TAFA2: variants seen among roughly 807,000 people sequenced by gnomAD.
The protein encoded by TAFA2 is TAFA chemokine like family member 2, also known as chemokine-like protein TAFA-2.
In TAFA2, 7 loss-of-function variants were observed where a neutral mutation model predicts 18.8. The observed-to-expected ratio is 0.37, with a 90% CI of 0.21 to 0.70. The LOEUF is 0.70. Ranked by LOEUF, TAFA2 falls within the 30% of genes least tolerant of loss-of-function variation. The pLI is 0.53. For synonymous variants in TAFA2, 60 were observed against 54.2 expected (o/e 1.11, Z -0.47); for missense variants, 122 against 158.1 (o/e 0.77, Z 1.23).
At chr12:62,126,636 T>C (rs1870471745) in intron 1 of TAFA2, among the ~76,000 whole-genome samples, 1 of 152,012 alleles carries the variant, frequency 6.6e-6, no homozygotes, top group Admixed American at 6.6e-5. Flanking sequence ...TGATATTCCA[T>C]GCTGAGAGAA....
intron 1 of TAFA2, among the ~76,000 whole-genome samples, chr12:62,168,896 T>C (rs1486200752): frequency 6.6e-6 from 1 of 151,734 alleles, no homozygotes; most frequent in African/African-American, 2.4e-5. Context: ...GGACCTCTTT[T>C]GGACCCTAAT....
At chr12:62,237,704 T>G (rs1368848329) in intron 1 of TAFA2, among the ~76,000 whole-genome samples, 3 of 152,268 alleles carry the variant, frequency 2.0e-5, no homozygotes, top group Non-Finnish European at 2.9e-5. Context: ...TCTTTGCAGT[T>G]GCCTGTAAGT....
intron 1 of TAFA2, among the ~76,000 whole-genome samples, chr12:62,251,597 C>T (rs2062914049): frequency 2.0e-5 from 3 of 152,168 alleles, no homozygotes; most frequent in Admixed American, 2.0e-4. Context: ...TCAGGATCAA[C>T]ACTTGTGGAA....
chr12:62,045,254 G>A (rs1396311611), intron 1 of TAFA2, among the ~76,000 whole-genome samples: 1 of 152,028 alleles, frequency 6.6e-6, no homozygotes, highest in Non-Finnish European at 1.5e-5. Context: ...CTTTTTTTAT[G>A]CTGATACCTT....
At chr12:61,959,166 A>G (rs2136651461) in intron 1 of TAFA2, among the ~76,000 whole-genome samples, 1 of 151,974 alleles carries the variant, frequency 6.6e-6, no homozygotes, top group South Asian at 2.1e-4. Flanking sequence ...GTTCTCATAC[A>G]TTTATTTTTC....
chr12:61,721,759 C>T (rs1869909885), intron 4 of TAFA2, among the ~76,000 whole-genome samples: 1 of 152,124 alleles, frequency 6.6e-6, no homozygotes, highest in Admixed American at 6.6e-5. Context: ...AGTTCGAGAC[C>T]AGCCTGACCA....
intron 2 of TAFA2, among the ~76,000 whole-genome samples, chr12:61,855,194 T>C (rs1873833148): frequency 6.6e-6 from 1 of 152,210 alleles, no homozygotes; most frequent in South Asian, 2.1e-4. Flanking sequence ...TATTTTCCCC[T>C]GAGATATTCT....
At chr12:61,817,954 C>T (rs1872154413) in intron 2 of TAFA2, among the ~76,000 whole-genome samples, 1 of 152,090 alleles carries the variant, frequency 6.6e-6, no homozygotes, top group South Asian at 2.1e-4. Flanking sequence ...TCACTCCTTG[C>T]TTCCATCATC....
chr12:62,115,478 T>C (rs1869923763), intron 1 of TAFA2, among the ~76,000 whole-genome samples: 1 of 152,216 alleles, frequency 6.6e-6, no homozygotes, highest in Admixed American at 6.5e-5. Flanking sequence ...ACATCATGTC[T>C]AAACTAAAAT....
At chr12:61,782,009 C>T (rs1280122652) in intron 2 of TAFA2, among the ~76,000 whole-genome samples, 1 of 151,374 alleles carries the variant, frequency 6.6e-6, no homozygotes, top group African/African-American at 2.4e-5. Flanking sequence ...TCAGAGTCTC[C>T]CTTAGAAAAC....
intron 1 of TAFA2, among the ~76,000 whole-genome samples, chr12:62,246,032 G>A (rs1383762496): frequency 1.3e-5 from 2 of 150,674 alleles, no homozygotes; most frequent in Non-Finnish European, 3.0e-5. Context: ...TGTCGCCCAG[G>A]CTGGAGTGCA....
chr12:62,236,052 T>C (rs997566424), intron 1 of TAFA2, among the ~76,000 whole-genome samples: 2 of 152,236 alleles, frequency 1.3e-5, no homozygotes, highest in African/African-American at 4.8e-5. Flanking sequence ...CCCCCACTCA[T>C]ACATTCTGAC....
chr12:62,241,620 T>C (rs1041477980), intron 1 of TAFA2, among the ~76,000 whole-genome samples: 2 of 152,230 alleles, frequency 1.3e-5, no homozygotes, highest in Admixed American at 1.3e-4. Flanking sequence ...TTTTCTGACA[T>C]AGGGACTTAC....
intron 1 of TAFA2, among the ~76,000 whole-genome samples, chr12:62,079,650 C>G (rs2136817745): frequency 6.7e-6 from 1 of 148,374 alleles, no homozygotes. Flanking sequence ...GGTGACAGAG[C>G]AAGACTCTGT....
chr12:61,726,842 C>T (rs1313936602), intron 4 of TAFA2, among the ~76,000 whole-genome samples: 1 of 152,006 alleles, frequency 6.6e-6, no homozygotes, highest in Non-Finnish European at 1.5e-5. Context: ...CCTCCCTGTT[C>T]AGTATAATGT....
intron 1 of TAFA2, among the ~76,000 whole-genome samples, chr12:62,010,513 CA>C (rs1340494004): frequency 6.6e-6 from 1 of 152,208 alleles, no homozygotes; most frequent in Admixed American, 6.5e-5. Flanking sequence ...CTGCAACCTG[CA>C]CCTTCCAGCC....
intron 1 of TAFA2, among the ~76,000 whole-genome samples, chr12:61,991,610 G>A (rs1272524548): frequency 2.0e-5 from 3 of 151,992 alleles, no homozygotes; most frequent in African/African-American, 7.3e-5. Flanking sequence ...TTTTCCATTA[G>A]CGTAAATACA....
At chr12:61,847,085 C>T (rs1284724099) in intron 2 of TAFA2, among the ~76,000 whole-genome samples, 1 of 152,118 alleles carries the variant, frequency 6.6e-6, no homozygotes, top group Non-Finnish European at 1.5e-5. Context: ...TTACTTTCAT[C>T]GACCCACTCA....
intron 2 of TAFA2, among the ~76,000 whole-genome samples, chr12:61,789,848 T>C (rs35622241): frequency 0.28 from 42,750 of 151,662 alleles, 6,727 homozygotes; most frequent in South Asian, 0.4. Flanking sequence ...AGAGGGAATA[T>C]TTCCAAACCC....
Sources: gnomAD v4.1 joint callset for allele counts (sites outside exome capture counted in the v4.1 genomes callset) on GRCh38, gnomAD v4.1.1 for gene constraint, MANE v1.5 for transcripts, NCBI Gene and HGNC (gene_info 2026-07-23, HGNC 2026-07-21) for gene names.